The following ATG10 variants were observed in gnomAD, a reference collection of about 807,000 sequenced individuals.
The protein encoded by ATG10 is autophagy related 10.
ATG10 carries 30 observed loss-of-function variants against 32.1 expected under a neutral mutation model. The ratio of observed to expected loss-of-function variants is 0.94; its 90% confidence interval spans 0.70 to 1.27. ATG10 has a LOEUF of 1.27. ATG10 is among the 50% of genes most tolerant of loss of function. The probability of loss-of-function intolerance (pLI) is 0.00; values close to 1 mark genes in which losing one functional copy is unlikely to be tolerated. For missense variants in ATG10, 233 were observed against 262.3 expected, an observed-to-expected ratio of 0.89 and a Z score of 0.77; for synonymous variants, 87 against 91.5, an observed-to-expected ratio of 0.95 and a Z score of 0.28.
At chr5:82,219,583 T>G (rs1002923606) in intron 5 of ATG10, among the ~76,000 whole-genome samples, 2 of 152,132 alleles carry the variant, frequency 1.3e-5, no homozygotes, top group Non-Finnish European at 2.9e-5. Flanking sequence ...TATATGTTGC[T>G]TAGGAGTCAG....
At chr5:82,031,428 A>G (rs1188211961) in intron 2 of ATG10, among the ~76,000 whole-genome samples, 5 of 152,210 alleles carry the variant, frequency 3.3e-5, no homozygotes, top group Non-Finnish European at 7.4e-5. Flanking sequence ...GGGTAACTGT[A>G]GGATGTTTCC....
intron 3 of ATG10, among the ~76,000 whole-genome samples, chr5:82,117,349 A>AT (rs1765848427): frequency 6.6e-6 from 1 of 152,152 alleles, no homozygotes; most frequent in African/African-American, 2.4e-5. Flanking sequence ...ATTTCCTAGT[A>AT]TATTAATATT....
At chr5:82,233,209 T>C (rs1328665083) in intron 5 of ATG10, among the ~76,000 whole-genome samples, 1 of 152,184 alleles carries the variant, frequency 6.6e-6, no homozygotes, top group Non-Finnish European at 1.5e-5. Context: ...AACATCTAAC[T>C]AGATAATATT....
chr5:82,081,927 G>A (rs535633316), intron 3 of ATG10, among the ~76,000 whole-genome samples: 1 of 152,310 alleles, frequency 6.6e-6, no homozygotes, highest in East Asian at 1.9e-4. Flanking sequence ...AGTTTCAGAA[G>A]GAATGGTACC....
intron 5 of ATG10, among the ~76,000 whole-genome samples, chr5:82,244,761 A>T (rs1746956614): frequency 6.6e-6 from 1 of 152,206 alleles, no homozygotes; most frequent in Non-Finnish European, 1.5e-5. Context: ...TGTGATAGTC[A>T]TATCTAATAG....
intron 3 of ATG10, among the ~76,000 whole-genome samples, chr5:82,130,380 C>T (rs1321004690): frequency 6.6e-6 from 1 of 151,960 alleles, no homozygotes; most frequent in East Asian, 1.9e-4. Context: ...GTTCCAGGTG[C>T]CACTTGGGTA....
intron 2 of ATG10, among the ~76,000 whole-genome samples, chr5:82,044,224 G>A (rs1289689256): frequency 1.3e-5 from 2 of 152,068 alleles, no homozygotes; most frequent in African/African-American, 4.8e-5. Context: ...GAGCAGGAGA[G>A]AGAGCGAGCA....
In ATG10 at chr5:82,075,752, A is replaced by G. The variant is rs534901531; in HGVS notation, c.216+17150A>G. Among the ~76,000 whole-genome samples, 173 of 152,294 alleles carry G rather than the reference A, an allele frequency of 1.1e-3. 2 individuals carry two copies. Among genetic ancestry groups the G allele is most frequent in the Admixed American group, 2.2e-3 (33 of 15,298 alleles). ...GGAATTCGAGGCCAGCCTGGCCAAC[A>G]TAGTGATATGCTGTCTCACTAAAAA... On this transcript the variant is annotated intron_variant, in intron 3 of 7. Transcript: ENST00000282185.
At chr5:82,069,433 AAG>A (rs1764051685) in intron 3 of ATG10, among the ~76,000 whole-genome samples, 1 of 152,200 alleles carries the variant, frequency 6.6e-6, no homozygotes, top group Non-Finnish European at 1.5e-5. Context: ...CTCACTATGA[AAG>A]AGACTTTATT....
At chr5:82,098,590 G>A (rs1186804398) in intron 3 of ATG10, among the ~76,000 whole-genome samples, 5 of 152,158 alleles carry the variant, frequency 3.3e-5, no homozygotes, top group African/African-American at 1.2e-4. Flanking sequence ...GATTACAGGC[G>A]TGAGCCACTG....
Position 82,098,436 on chromosome 5 carries a change from G to A in ATG10, c.216+39834G>A, listed in dbSNP as rs377043641. Among the ~76,000 whole-genome samples, 11 of 148,520 alleles carry A rather than the reference G, an allele frequency of 7.4e-5. No individual in the cohort carries two copies. The East Asian group carries it at 1.4e-3, about 19-fold the overall frequency. ...AAGCAGTTCTCTGCCTCAGCCTCCC[G>A]AGTAGCTGGGATTGCAGGCGCCCAC... On this transcript the variant is annotated intron_variant, in intron 3 of 7. Coordinates refer to ENST00000282185, the MANE Select transcript of ATG10 (RefSeq NM_031482.5).
rs548594343 is a variant in ATG10 at position 82,009,833 on chromosome 5, G to A, written c.108+22155G>A. 8.1e-6 allele frequency: 13 copies of A among 1,607,594 alleles called. No homozygotes were observed. In the South Asian group the frequency reaches 1.3e-4, roughly 16 times the overall value. On this transcript the variant is annotated intron_variant, in intron 2 of 7. Transcript: ENST00000282185. The stretch of plus-strand genomic sequence containing the variant: ...CAGGACCTGTATGCTTTAGGATGAA[G>A]TTCTCATCTTCAAATTTCTCCCCAT...
In ATG10 at chr5:82,164,421, A is replaced by G; in HGVS notation, c.239A>G (p.Asp80Gly). 6.2e-7 allele frequency: 1 copy of G among 1,613,516 alleles called. No individual in the cohort carries two copies. ...PMEEAFELPL[D>G]DCEVIETAAA... is the part of the protein sequence containing the mutation. ...TAGGAGGCTTTCGAGCTACCCTTGGATGATTGTGAAGTGATTGAAACTGCA... is the reference window on the plus strand; with the variant it reads ...TAGGAGGCTTTCGAGCTACCCTTGGGTGATTGTGAAGTGATTGAAACTGCA... The change falls in exon 4 of 8, where the codon GAT (aspartate) becomes GGT (glycine). Residue 80 changes from aspartate to glycine, a missense_variant. By Grantham distance (94) the Asp-to-Gly change is moderately conservative (BLOSUM62 -1). Transcript: ENST00000282185.
intron 5 of ATG10, among the ~76,000 whole-genome samples, chr5:82,180,889 T>G (rs1744203339): frequency 6.6e-6 from 1 of 152,152 alleles, no homozygotes; most frequent in Non-Finnish European, 1.5e-5. Flanking sequence ...GTGTCTTTGT[T>G]CTGACCCATG....
intron 3 of ATG10, among the ~76,000 whole-genome samples, chr5:82,081,968 G>C (rs1336792244): frequency 6.6e-6 from 1 of 152,206 alleles, no homozygotes; most frequent in East Asian, 1.9e-4. Flanking sequence ...GTAGAATTCA[G>C]CTGTGAATCC....
intron 2 of ATG10, among the ~76,000 whole-genome samples, chr5:82,021,529 T>C (rs1260238567): frequency 2.0e-5 from 3 of 152,216 alleles, no homozygotes; most frequent in Non-Finnish European, 2.9e-5. Context: ...TATACTGTAT[T>C]GTTTAGGGAA....
chr5:82,174,458 C>T (rs1743931622), intron 4 of ATG10, among the ~76,000 whole-genome samples: 1 of 152,150 alleles, frequency 6.6e-6, no homozygotes, highest in African/African-American at 2.4e-5. Context: ...TCTTCCAGTC[C>T]TTGTGGCTAG....
chr5:82,123,765 A>T, intron 3 of ATG10, among the ~76,000 whole-genome samples: 1 of 72,868 alleles, frequency 1.4e-5, no homozygotes, highest in Non-Finnish European at 3.1e-5. Flanking sequence ...CTGTCTGTAC[A>T]AAAAAAAAAA....
chr5:82,044,021 G>C (rs1011209280), intron 2 of ATG10, among the ~76,000 whole-genome samples: 5 of 151,858 alleles, frequency 3.3e-5, no homozygotes, highest in African/African-American at 1.2e-4. Context: ...CCACTCTCCT[G>C]GTACCAATTT....
Sources: gnomAD v4.1 joint callset for allele counts (sites outside exome capture counted in the v4.1 genomes callset) on GRCh38, gnomAD v4.1.1 for gene constraint, MANE v1.5 for transcripts, NCBI Gene and HGNC (gene_info 2026-07-23, HGNC 2026-07-21) for gene names.